The following GLIS3 variants were observed in gnomAD, a reference collection of about 807,000 sequenced individuals.
GLIS3 encodes zinc finger protein GLIS3.
Under a neutral mutation model 78.6 loss-of-function variants are expected in GLIS3, and 53 were observed. The observed-to-expected ratio is 0.67, with a 90% confidence interval of 0.54 to 0.85. GLIS3 has a LOEUF of 0.85. GLIS3 is among the 40% of genes least tolerant of loss of function. The probability of loss-of-function intolerance (pLI) is 0.00; values close to 1 mark genes in which losing one functional copy is unlikely to be tolerated. For missense variants in GLIS3, 1,703 were observed against 1,231.1 expected (o/e 1.38, Z -5.74); for synonymous variants, 684 against 509.9 (o/e 1.34, Z -4.60).
chr9:3,920,168 T>A (rs1379862967), intron 6 of GLIS3, among the ~76,000 whole-genome samples: 1 of 152,034 alleles, frequency 6.6e-6, no homozygotes, highest in Non-Finnish European at 1.5e-5. Context: ...CACACCCGGC[T>A]AATTTTTTGT....
intron 9 of GLIS3, among the ~76,000 whole-genome samples, chr9:3,840,156 C>A (rs999064087): frequency 6.6e-6 from 1 of 152,170 alleles, no homozygotes; most frequent in Non-Finnish European, 1.5e-5. Flanking sequence ...TTCTCTGGCA[C>A]ATAGTAGGCC....
At chr9:4,464,803 G>T in the GLIS3 span, among the ~76,000 whole-genome samples, 46 of 152,260 alleles carry the variant, frequency 3.0e-4, no homozygotes, top group Middle Eastern at 3.4e-3. Context: ...AATTGTAAAG[G>T]TTGTATGCAG....
chr9:4,371,361 C>T, the GLIS3 span, among the ~76,000 whole-genome samples: 3 of 152,238 alleles, frequency 2.0e-5, no homozygotes, highest in Admixed American at 6.5e-5. Flanking sequence ...CCACTTCTTC[C>T]ACTGGATATG....
chr9:4,228,937 T>C (rs1402633587), intron 2 of GLIS3, among the ~76,000 whole-genome samples: 1 of 152,180 alleles, frequency 6.6e-6, no homozygotes, highest in Non-Finnish European at 1.5e-5. Flanking sequence ...AAACATGTCA[T>C]GGACATTAAC....
At chr9:4,157,810 C>T (rs986404676) in intron 2 of GLIS3, among the ~76,000 whole-genome samples, 1 of 152,154 alleles carries the variant, frequency 6.6e-6, no homozygotes, top group Admixed American at 6.5e-5. Flanking sequence ...GTCCACATCA[C>T]GTATGCATTC....
the GLIS3 span, among the ~76,000 whole-genome samples, chr9:4,397,266 C>A: frequency 1.3e-5 from 2 of 149,346 alleles, no homozygotes; most frequent in African/African-American, 5.0e-5. Context: ...ACCTCGTGAT[C>A]CGCCCGCCTC....
chr9:3,898,489 T>C (rs1823034952), intron 7 of GLIS3: 1 of 655,044 alleles, frequency 1.5e-6, no homozygotes, highest in Non-Finnish European at 2.8e-6. Context: ...CATTATTTTA[T>C]TTTATTTCTT....
chr9:4,049,191 T>C (rs1825502346), intron 4 of GLIS3, among the ~76,000 whole-genome samples: 1 of 152,144 alleles, frequency 6.6e-6, no homozygotes. Context: ...AAGTCTAGGA[T>C]ACAGAGAGAT....
At chr9:4,125,712 G>GA in intron 3 of GLIS3, 22 bp downstream of exon 3, 24 of 1,585,696 alleles carry the variant, frequency 1.5e-5, no homozygotes, top group Non-Finnish European at 1.9e-5. Flanking sequence ...AAAGAAAGGG[G>GA]AAAAAAAAGT....
At chr9:4,279,324 TACACACAC>T (rs141790371) in intron 2 of GLIS3, among the ~76,000 whole-genome samples, 3,121 of 84,834 alleles carry the variant, frequency 0.037, 156 homozygotes, top group African/African-American at 0.11. Flanking sequence ...AATATATATA[TACACACAC>T]ACACACACAC....
chr9:4,246,032 G>A (rs1237018264), intron 2 of GLIS3, among the ~76,000 whole-genome samples: 1 of 152,074 alleles, frequency 6.6e-6, no homozygotes, highest in Admixed American at 6.6e-5. Flanking sequence ...CATCCATTGT[G>A]AGTAGGACCC....
intron 2 of GLIS3, among the ~76,000 whole-genome samples, chr9:4,267,903 A>G (rs963749189): frequency 6.6e-6 from 1 of 152,210 alleles, no homozygotes. Flanking sequence ...TGCTATCCAG[A>G]CATCCATCCA....
intron 2 of GLIS3, among the ~76,000 whole-genome samples, chr9:4,248,003 A>T (rs1823962975): frequency 6.6e-6 from 1 of 152,002 alleles, no homozygotes; most frequent in South Asian, 2.1e-4. Context: ...TGTAGCTGAA[A>T]CTCTGTACCC....
chr9:3,970,087 T>C (rs1197666409), intron 4 of GLIS3, among the ~76,000 whole-genome samples: 1 of 152,210 alleles, frequency 6.6e-6, no homozygotes, highest in African/African-American at 2.4e-5. Flanking sequence ...CGTCTCTGCC[T>C]AAATGCAAAA....
chr9:3,877,368 T>A (rs2130443808), intron 8 of GLIS3, among the ~76,000 whole-genome samples: 1 of 152,376 alleles, frequency 6.6e-6, no homozygotes, highest in South Asian at 2.1e-4. Context: ...TGACAGATCT[T>A]GTGGGAGGAG....
chr9:4,192,721 CAGAAT>C (rs1246286799), intron 2 of GLIS3, among the ~76,000 whole-genome samples: 2 of 150,628 alleles, frequency 1.3e-5, no homozygotes, highest in Non-Finnish European at 2.9e-5. Context: ...GATAAGAACA[CAGAAT>C]AGAACGAGAC....
chr9:4,182,913 T>C (rs1357963836), intron 2 of GLIS3, among the ~76,000 whole-genome samples: 1 of 152,144 alleles, frequency 6.6e-6, no homozygotes, highest in Non-Finnish European at 1.5e-5. Flanking sequence ...ATAAGGGAAT[T>C]GAGAAGCAGA....
At chr9:4,349,645 T>C (rs145163137), upstream of GLIS3, among the ~76,000 whole-genome samples, 325 of 152,106 alleles carry the variant, frequency 2.1e-3, 3 homozygotes, top group African/African-American at 7.6e-3. Context: ...CTAGCAAAAA[T>C]AAGATTCCAG....
intron 2 of GLIS3, among the ~76,000 whole-genome samples, chr9:4,171,050 T>G (rs1816330846): frequency 6.6e-6 from 1 of 152,214 alleles, no homozygotes; most frequent in Non-Finnish European, 1.5e-5. Context: ...AAGATGAGAT[T>G]TATTGCCACC....
Sources: allele counts gnomAD v4.1 joint callset (sites outside exome capture counted in the v4.1 genomes callset), GRCh38; gene constraint gnomAD v4.1.1; transcripts MANE v1.5; gene names NCBI Gene and HGNC (gene_info 2026-07-23, HGNC 2026-07-21).